Variants in NTRK2 observed in about 807,000 individuals in gnomAD.
The protein encoded by NTRK2 is BDNF/NT-3 growth factors receptor.
Under a neutral mutation model 94.5 loss-of-function variants are expected in NTRK2, and 13 were observed. That is an observed-to-expected ratio of 0.14 (90% CI 0.09 to 0.22). The LOEUF is 0.22. NTRK2 is among the 10% of genes least tolerant of loss of function. The pLI is 1.00. For missense variants in NTRK2, 639 were observed against 1,071.2 expected, an observed-to-expected ratio of 0.60 and a Z score of 5.63; for synonymous variants, 372 against 407.4, an observed-to-expected ratio of 0.91 and a Z score of 1.05.
At chr9:85,017,558 A>G (rs1832367618) in intron 17 of NTRK2, among the ~76,000 whole-genome samples, 2 of 152,206 alleles carry the variant, frequency 1.3e-5, no homozygotes, top group Admixed American at 6.5e-5. Context: ...TCCCACAAAC[A>G]TACATTCAAA....
chr9:84,704,328 A>G (rs1489212234), intron 4 of NTRK2, among the ~76,000 whole-genome samples: 1 of 142,664 alleles, frequency 7.0e-6, no homozygotes, highest in Non-Finnish European at 1.5e-5. Flanking sequence ...TCCTGGGTTC[A>G]TGCCATTCTC....
intron 4 of NTRK2, among the ~76,000 whole-genome samples, chr9:84,707,087 C>T (rs1336089496): frequency 6.6e-6 from 1 of 152,048 alleles, no homozygotes; most frequent in Non-Finnish European, 1.5e-5. Flanking sequence ...AGTTTCCTAC[C>T]CCAAAATCTC....
intron 4 of NTRK2, among the ~76,000 whole-genome samples, chr9:84,706,527 G>GTTTTTTTTTTTTTTT: frequency 1.2e-5 from 1 of 81,656 alleles, no homozygotes; most frequent in Non-Finnish European, 2.1e-5. Context: ...TTTTGTTTTT[G>GTTTTTTTTTTTTTTT]TTTTTTTTTT....
At chr9:84,882,697 A>AGTGTGTGTGT (rs71847053) in intron 14 of NTRK2, among the ~76,000 whole-genome samples, 25 of 149,704 alleles carry the variant, frequency 1.7e-4, no homozygotes, top group African/African-American at 5.2e-4. Flanking sequence ...CTTTTGTTCT[A>AGTGTGTGTGT]GTGTGTGTGT....
chr9:84,957,580 G>A (rs561284666), intron 17 of NTRK2, among the ~76,000 whole-genome samples: 9 of 152,172 alleles, frequency 5.9e-5, no homozygotes, highest in Non-Finnish European at 1.5e-5. Context: ...CCCCTGAGAT[G>A]ACTACAATAG....
intron 12 of NTRK2, among the ~76,000 whole-genome samples, chr9:84,773,619 C>G (rs1175191369): frequency 6.6e-6 from 1 of 152,122 alleles, no homozygotes; most frequent in African/African-American, 2.4e-5. Context: ...TATTTATCAC[C>G]ACTTATGGGG....
At chr9:84,930,189 C>T (rs1408925310) in intron 14 of NTRK2, among the ~76,000 whole-genome samples, 1 of 152,192 alleles carries the variant, frequency 6.6e-6, no homozygotes, top group African/African-American at 2.4e-5. Flanking sequence ...GAAAAGTTAG[C>T]CTAATGTCAC....
At position 84,724,160 on chromosome 9, in the gene NTRK2, C is replaced by T. The variant is rs888069334; in HGVS notation, c.721-64C>T. 1.2e-5 allele frequency: 19 copies of T among 1,595,018 alleles called. No homozygotes were observed. In the African/African-American group the frequency reaches 1.7e-4, roughly 15 times the overall value. Reference sequence around the variant, plus strand: ...TTTCTCTAGTTAGGGGAAGAAACCCCAAATCTTGTCACTTTGGGATCAATC... The same window carrying T: ...TTTCTCTAGTTAGGGGAAGAAACCCTAAATCTTGTCACTTTGGGATCAATC... On this transcript the variant is annotated intron_variant, in intron 7 of 18. Coordinates refer to ENST00000277120, the MANE Select transcript of NTRK2 (RefSeq NM_006180.6).
chr9:84,833,087 C>T (rs564212975), intron 12 of NTRK2, among the ~76,000 whole-genome samples: 1 of 141,364 alleles, frequency 7.1e-6, no homozygotes, highest in African/African-American at 2.7e-5. Context: ...TATTCTTGGG[C>T]CTCATTGGTG....
chr9:84,775,269 G>T (rs1407671369), intron 12 of NTRK2, among the ~76,000 whole-genome samples: 1 of 152,200 alleles, frequency 6.6e-6, no homozygotes, highest in Non-Finnish European at 1.5e-5. Context: ...GCTTTCCTTG[G>T]CTCCCACAGC....
At chr9:84,742,826 A>T (rs1017127007) in intron 10 of NTRK2, among the ~76,000 whole-genome samples, 1 of 113,098 alleles carries the variant, frequency 8.8e-6, no homozygotes, top group Non-Finnish European at 1.7e-5. Context: ...TCCGAGACGG[A>T]GTCTCACTTT....
chr9:85,000,403 C>T (rs1388800162), intron 17 of NTRK2, among the ~76,000 whole-genome samples: 1 of 152,182 alleles, frequency 6.6e-6, no homozygotes, highest in Non-Finnish European at 1.5e-5. Flanking sequence ...ATTCATCCTT[C>T]CCTATCCCCT....
chr9:84,961,946 A>C (rs1313753801), intron 17 of NTRK2, among the ~76,000 whole-genome samples: 1 of 152,334 alleles, frequency 6.6e-6, no homozygotes, highest in East Asian at 1.9e-4. Flanking sequence ...ATATAAGGAG[A>C]GATGTCAATG....
chr9:85,014,263 G>A (rs905012011), intron 17 of NTRK2, among the ~76,000 whole-genome samples: 9 of 152,176 alleles, frequency 5.9e-5, no homozygotes, highest in Non-Finnish European at 1.0e-4. Flanking sequence ...GGGACACAAG[G>A]AGGATGATAA....
intron 12 of NTRK2, among the ~76,000 whole-genome samples, chr9:84,797,660 T>TTATATATTATATATACTATAATAATA (rs2069618221): frequency 2.4e-5 from 1 of 42,302 alleles, no homozygotes; most frequent in African/African-American, 1.4e-4. Context: ...AATATATATA[T>TTATATATTATATATACTATAATAATA]TATATATTAT....
chr9:84,890,809 G>A (rs2076572472), intron 14 of NTRK2, among the ~76,000 whole-genome samples: 1 of 152,170 alleles, frequency 6.6e-6, no homozygotes, highest in African/African-American at 2.4e-5. Context: ...ACCTGAATCT[G>A]GGAGATTATC....
intron 12 of NTRK2, among the ~76,000 whole-genome samples, chr9:84,827,485 C>A (rs1212298108): frequency 6.6e-6 from 1 of 152,110 alleles, no homozygotes; most frequent in East Asian, 1.9e-4. Flanking sequence ...AAATCATCTG[C>A]TTTTTAAAGA....
intron 9 of NTRK2, among the ~76,000 whole-genome samples, chr9:84,733,553 G>T (rs990456294): frequency 1.1e-4 from 16 of 152,176 alleles, no homozygotes; most frequent in Admixed American, 9.2e-4. Flanking sequence ...GTGGGGTGCA[G>T]GATGGTGGGA....
intron 17 of NTRK2, among the ~76,000 whole-genome samples, chr9:84,999,678 T>A (rs1047936165): frequency 6.6e-6 from 1 of 152,146 alleles, no homozygotes; most frequent in African/African-American, 2.4e-5. Flanking sequence ...AATTTCATCT[T>A]GGTGAGAATG....
Sources: allele counts gnomAD v4.1 joint callset (sites outside exome capture counted in the v4.1 genomes callset), GRCh38; gene constraint gnomAD v4.1.1; transcripts MANE v1.5; gene names NCBI Gene and HGNC (gene_info 2026-07-23, HGNC 2026-07-21).